Variants in PTPN4 observed in about 807,000 individuals in gnomAD.
PTPN4 encodes the protein protein tyrosine phosphatase non-receptor type 4.
A neutral mutation model predicts 135.5 loss-of-function variants in PTPN4; 49 were observed. That is an observed-to-expected ratio of 0.36 (90% CI 0.29 to 0.46). The LOEUF (loss-of-function observed/expected upper bound fraction) is 0.46, where lower values mean the gene tolerates loss of function less well. PTPN4 is among the 20% of genes least tolerant of loss of function. PTPN4 has a pLI of 1.00. For missense variants in PTPN4, 860 were observed against 1,101.0 expected (o/e 0.78, Z 3.10); for synonymous variants, 333 against 369.9 (o/e 0.90, Z 1.14).
rs1690828892 is a variant in PTPN4 at position 119,775,924 on chromosome 2, C to T, written c.-18+15540C>T. Among the ~76,000 whole-genome samples the T allele has an allele frequency of 2.0e-5, 3 of 152,176 alleles. No individual in the cohort carries two copies. The South Asian group carries it at 6.2e-4, about 32-fold the overall frequency. On this transcript the variant is annotated intron_variant, in intron 1 of 26. Transcript: ENST00000263708. Reference sequence around the variant, plus strand: ...AAGAAATTCAAGAGCTAATTAGACACCACACCAGAGGAATAAATGGAAAAT... The same window carrying T: ...AAGAAATTCAAGAGCTAATTAGACATCACACCAGAGGAATAAATGGAAAAT...
At chr2:119,903,882 G>A (rs1200778114) in intron 10 of PTPN4, among the ~76,000 whole-genome samples, 1 of 152,146 alleles carries the variant, frequency 6.6e-6, no homozygotes, top group Admixed American at 6.5e-5. Flanking sequence ...AAGCCACTGA[G>A]GAACTCACAG....
rs772079652 is a variant in PTPN4 at position 119,877,575 on chromosome 2, T to C, written c.368+33T>C. ...TATGGATATATTTTTCTTGAAAATA[T>C]TGTCAAAACTCTAATATGAAATTTT... On this transcript the variant is annotated intron_variant, in intron 5 of 26. Coordinates refer to ENST00000263708, the MANE Select transcript of PTPN4 (RefSeq NM_002830.4). The C allele has an allele frequency of 6.4e-6, 10 of 1,557,634 alleles. No homozygotes were observed. The South Asian group carries it at 8.6e-5, about 13-fold the overall frequency.
chr2:119,804,643 T>C (rs903605233), intron 1 of PTPN4, among the ~76,000 whole-genome samples: 1 of 152,226 alleles, frequency 6.6e-6, no homozygotes, highest in Non-Finnish European at 1.5e-5. Flanking sequence ...TATTCCATGG[T>C]GTATATGTGC....
At chr2:119,822,842 G>A (rs576770859) in intron 2 of PTPN4, among the ~76,000 whole-genome samples, 1 of 152,246 alleles carries the variant, frequency 6.6e-6, no homozygotes, top group East Asian at 1.9e-4. Flanking sequence ...TGAACAGTAA[G>A]TTATTAATTC....
intron 3 of PTPN4, among the ~76,000 whole-genome samples, chr2:119,876,088 CT>C (rs535090995): frequency 2.2e-3 from 341 of 152,156 alleles, no homozygotes; most frequent in Admixed American, 4.3e-3. Flanking sequence ...ATGATGGCAT[CT>C]TTCAGAAACA....
intron 2 of PTPN4, among the ~76,000 whole-genome samples, chr2:119,852,224 G>T (rs1677602840): frequency 6.6e-6 from 1 of 151,998 alleles, no homozygotes; most frequent in Non-Finnish European, 1.5e-5. Flanking sequence ...TCCTTTTCTT[G>T]CAGATTGCGC....
At chr2:119,943,045 T>A (rs982855187) in intron 15 of PTPN4, among the ~76,000 whole-genome samples, 1 of 152,226 alleles carries the variant, frequency 6.6e-6, no homozygotes, top group Non-Finnish European at 1.5e-5. Context: ...CTGAAGTATT[T>A]CTATGCAGAC....
chr2:119,975,394 G>A (rs1238677230), intron 26 of PTPN4, among the ~76,000 whole-genome samples: 1 of 152,150 alleles, frequency 6.6e-6, no homozygotes, highest in African/African-American at 2.4e-5. Flanking sequence ...GGTATTACAG[G>A]CATGAGCCAC....
At chr2:119,876,769 G>A (rs988800190) in intron 3 of PTPN4, among the ~76,000 whole-genome samples, 13 of 151,874 alleles carry the variant, frequency 8.6e-5, no homozygotes, top group Admixed American at 7.2e-4. Context: ...TTAAAAATTG[G>A]TGGGTTTTTT....
chr2:119,846,792 A>G (rs1322320517), intron 2 of PTPN4, among the ~76,000 whole-genome samples: 1 of 151,782 alleles, frequency 6.6e-6, no homozygotes, highest in Non-Finnish European at 1.5e-5. Context: ...TTTAGGACTT[A>G]ACCAGATACA....
At chr2:119,850,418 A>G (rs1263195490) in intron 2 of PTPN4, among the ~76,000 whole-genome samples, 2 of 152,200 alleles carry the variant, frequency 1.3e-5, no homozygotes, top group African/African-American at 4.8e-5. Context: ...CTTGCCCTGC[A>G]GGCTTTGGGT....
At chr2:119,770,056 G>A (rs1690706842) in intron 1 of PTPN4, among the ~76,000 whole-genome samples, 1 of 152,146 alleles carries the variant, frequency 6.6e-6, no homozygotes, top group South Asian at 2.1e-4. Context: ...GTCCAAAATT[G>A]GAGGTGACTT....
intron 2 of PTPN4, among the ~76,000 whole-genome samples, chr2:119,852,623 T>C (rs990839304): frequency 2.6e-5 from 4 of 152,200 alleles, no homozygotes; most frequent in African/African-American, 9.6e-5. Context: ...CAATTTTGTC[T>C]ATTTTTTGTT....
At chr2:119,797,087 C>T (rs572701412) in intron 1 of PTPN4, among the ~76,000 whole-genome samples, 1 of 151,836 alleles carries the variant, frequency 6.6e-6, no homozygotes, top group East Asian at 1.9e-4. Flanking sequence ...TTTGAGAGTT[C>T]TTTATATTTT....
chr2:119,808,411 C>T (rs910636912), intron 1 of PTPN4, among the ~76,000 whole-genome samples: 4 of 152,114 alleles, frequency 2.6e-5, no homozygotes, highest in African/African-American at 7.2e-5. Context: ...GCAAAAATCA[C>T]AAGCATTCCT....
At chr2:119,840,861 G>T (rs1677370472) in intron 2 of PTPN4, among the ~76,000 whole-genome samples, 1 of 152,022 alleles carries the variant, frequency 6.6e-6, no homozygotes, top group Admixed American at 6.5e-5. Flanking sequence ...TTTTTGGTTG[G>T]CCGCATGTAT....
chr2:119,783,940 G>C (rs1690994318), intron 1 of PTPN4, among the ~76,000 whole-genome samples: 1 of 152,148 alleles, frequency 6.6e-6, no homozygotes, highest in African/African-American at 2.4e-5. Flanking sequence ...GGAACACTTG[G>C]AGGTGGGGGA....
chr2:119,963,385 A>C (rs1401372247), intron 24 of PTPN4, among the ~76,000 whole-genome samples: 1 of 152,204 alleles, frequency 6.6e-6, no homozygotes, highest in African/African-American at 2.4e-5. Context: ...TGCTAGAGAC[A>C]GTGCACCCTA....
At chr2:119,847,311 C>CACAT (rs1677517159) in intron 2 of PTPN4, among the ~76,000 whole-genome samples, 1 of 108,696 alleles carries the variant, frequency 9.2e-6, no homozygotes, top group Non-Finnish European at 1.8e-5. Flanking sequence ...CACACACACA[C>CACAT]ACACATATAT....
Sources: gnomAD v4.1 joint callset for allele counts (sites outside exome capture counted in the v4.1 genomes callset) on GRCh38, gnomAD v4.1.1 for gene constraint, MANE v1.5 for transcripts, NCBI Gene and HGNC (gene_info 2026-07-23, HGNC 2026-07-21) for gene names.